The following ENOX1 variants were observed in gnomAD, a reference collection of about 807,000 sequenced individuals.
ENOX1 encodes the protein candidate growth-related and time keeping constitutive hydroquinone (NADH) oxidase.
Under a neutral mutation model 82.5 loss-of-function variants are expected in ENOX1, and 42 were observed. The ratio of observed to expected loss-of-function variants is 0.51; its 90% CI spans 0.40 to 0.66. ENOX1 has a LOEUF of 0.66. Ranked by LOEUF, ENOX1 falls within the 30% of genes least tolerant of loss-of-function variation. The pLI, the probability that ENOX1 is intolerant of heterozygous loss-of-function variation, is 0.00. For synonymous variants in ENOX1, 271 were observed against 282.2 expected (o/e 0.96, Z 0.40); for missense variants, 608 against 811.6 (o/e 0.75, Z 3.05).
intron 2 of ENOX1, among the ~76,000 whole-genome samples, chr13:43,508,532 A>T (rs947350868): frequency 2.6e-5 from 4 of 151,882 alleles, no homozygotes; most frequent in Non-Finnish European, 5.9e-5. Context: ...TGATTGAGAT[A>T]GAAATGAAAG....
intron 2 of ENOX1, among the ~76,000 whole-genome samples, chr13:43,487,016 C>T (rs1476032149): frequency 1.3e-5 from 2 of 151,978 alleles, no homozygotes; most frequent in African/African-American, 4.8e-5. Flanking sequence ...CTACTAAATA[C>T]AAAAATTAGC....
At chr13:43,699,962 C>A (rs1216612579) in intron 1 of ENOX1, among the ~76,000 whole-genome samples, 1 of 152,122 alleles carries the variant, frequency 6.6e-6, no homozygotes, top group Non-Finnish European at 1.5e-5. Context: ...TGGCAACATT[C>A]CAATTCTTCT....
chr13:43,554,586 T>TTTA (rs2079351983), intron 2 of ENOX1, among the ~76,000 whole-genome samples: 1 of 152,144 alleles, frequency 6.6e-6, no homozygotes, highest in East Asian at 1.9e-4. Context: ...AGGTTTTGTT[T>TTTA]TTATTTTTGA....
chr13:43,426,313 A>T (rs1293918544), intron 3 of ENOX1, among the ~76,000 whole-genome samples: 1 of 152,222 alleles, frequency 6.6e-6, no homozygotes, highest in Non-Finnish European at 1.5e-5. Flanking sequence ...GTTAGCTTAG[A>T]GTCATCGTAT....
chr13:43,745,207 G>A (rs6561146), intron 1 of ENOX1, among the ~76,000 whole-genome samples: 14,189 of 151,842 alleles, frequency 0.093, 1,098 homozygotes, highest in African/African-American at 0.21. Context: ...ATCATGAGAC[G>A]GAACAGAAAA....
Position 43,287,444 on chromosome 13 carries a change from G to A in ENOX1, c.1446+10902C>T, listed in dbSNP as rs142728827. Among the ~76,000 whole-genome samples the A allele has an allele frequency of 4.6e-4, 70 of 152,238 alleles. No individual in the cohort carries two copies. In the East Asian group the frequency reaches 0.011, roughly 23 times the overall value. ...ATCACATGTGATGTATGATTTTATC[G>A]TAGCAAGCCCTTACTGAGGTTGGAG... On this transcript the variant is annotated intron_variant, in intron 12 of 16. Coordinates refer to ENST00000690772, the MANE Select transcript of ENOX1 (RefSeq NM_001347969.2).
chr13:43,538,295 T>C (rs1350729885), intron 2 of ENOX1, among the ~76,000 whole-genome samples: 2 of 152,246 alleles, frequency 1.3e-5, no homozygotes, highest in Non-Finnish European at 2.9e-5. Context: ...TGGAATGGTA[T>C]GTCACAGGTC....
At chr13:43,515,175 T>C (rs4297596) in intron 2 of ENOX1, among the ~76,000 whole-genome samples, 146,339 of 152,214 alleles carry the variant, frequency 0.96, 70,639 homozygotes, top group East Asian at 1. Context: ...CTGTGTGTCA[T>C]GTACTCCAAA....
intron 2 of ENOX1, among the ~76,000 whole-genome samples, chr13:43,563,363 C>T (rs1490891094): frequency 6.6e-6 from 1 of 151,916 alleles, no homozygotes; most frequent in Non-Finnish European, 1.5e-5. Flanking sequence ...ACACAACATT[C>T]CAAAACCTAT....
intron 16 of ENOX1, among the ~76,000 whole-genome samples, chr13:43,222,281 AG>A (rs1404249218): frequency 6.6e-6 from 1 of 152,030 alleles, no homozygotes; most frequent in Non-Finnish European, 1.5e-5. Flanking sequence ...CCTGAGGATA[AG>A]AATAGAACAA....
chr13:43,435,487 C>T (rs1017021769), intron 3 of ENOX1, among the ~76,000 whole-genome samples: 2 of 152,218 alleles, frequency 1.3e-5, no homozygotes, highest in African/African-American at 4.8e-5. Flanking sequence ...CTGACCACGG[C>T]ACCAAGCTTC....
Position 43,412,925 on chromosome 13 carries a change from G to A in ENOX1, c.-11C>T, listed in dbSNP as rs1237095782. 2 of 1,613,930 alleles carry A rather than the reference G, an allele frequency of 1.2e-6. No individual in the cohort carries two copies. Among genetic ancestry groups the A allele is most frequent in the Non-Finnish European group, 1.7e-6 (2 of 1,180,004 alleles). On this transcript the variant is annotated 5_prime_UTR_variant, in exon 4 of 17. Coordinates refer to ENST00000690772, the MANE Select transcript of ENOX1 (RefSeq NM_001347969.2). Reference sequence around the variant, plus strand: ...ACCTGCATCTACCATTGAATTATGAGTGTCCAGAGGGGCAGGAACACTTTG... The same window carrying A: ...ACCTGCATCTACCATTGAATTATGAATGTCCAGAGGGGCAGGAACACTTTG...
chr13:43,459,133 C>G (rs1339456159), intron 3 of ENOX1: 1 of 152,198 alleles, frequency 6.6e-6, no homozygotes, highest in Non-Finnish European at 1.5e-5. Flanking sequence ...AAATCTATTA[C>G]GATTTCAATG....
chr13:43,546,522 G>A (rs2078980713), intron 2 of ENOX1: 1 of 152,046 alleles, frequency 6.6e-6, no homozygotes, highest in Non-Finnish European at 1.5e-5. Context: ...ACTGTAAAGG[G>A]AAACACTGAG....
chr13:43,413,131 G>T (rs184507153), intron 3 of ENOX1, 143 bp from the exon 4 acceptor site: 7 of 832,912 alleles, frequency 8.4e-6, no homozygotes, highest in African/African-American at 7.1e-5. Flanking sequence ...GCTTCCCATC[G>T]CTCAGCGGCT....
intron 5 of ENOX1, among the ~76,000 whole-genome samples, chr13:43,381,340 G>C (rs77190280): frequency 0.013 from 2,018 of 151,654 alleles, 39 homozygotes; most frequent in African/African-American, 0.046. Context: ...GGGAAATTTA[G>C]AAGTACTGTG....
At chr13:43,220,435 A>G (rs574127856) in intron 16 of ENOX1, among the ~76,000 whole-genome samples, 1 of 152,236 alleles carries the variant, frequency 6.6e-6, no homozygotes, top group Admixed American at 6.5e-5. Flanking sequence ...TTCCCTACCC[A>G]ATTTAGCACT....
At chr13:43,249,254 T>G (rs1179991829) in intron 14 of ENOX1, among the ~76,000 whole-genome samples, 1 of 152,210 alleles carries the variant, frequency 6.6e-6, no homozygotes, top group African/African-American at 2.4e-5. Flanking sequence ...TATGCCACTG[T>G]AGACATAACC....
At chr13:43,478,357 A>T (rs1426903181) in intron 3 of ENOX1, among the ~76,000 whole-genome samples, 1 of 152,098 alleles carries the variant, frequency 6.6e-6, no homozygotes, top group Non-Finnish European at 1.5e-5. Context: ...GTTCTCATAA[A>T]GCTAATATTT....
Sources: allele counts gnomAD v4.1 joint callset (sites outside exome capture counted in the v4.1 genomes callset), GRCh38; gene constraint gnomAD v4.1.1; transcripts MANE v1.5; gene names NCBI Gene and HGNC (gene_info 2026-07-23, HGNC 2026-07-21).